The following GALR1 variants were observed in gnomAD, a reference collection of about 807,000 sequenced individuals.
The protein encoded by GALR1 is galanin receptor 1.
GALR1 carries 11 observed loss-of-function variants against 17.9 expected under a neutral mutation model. The observed-to-expected ratio is 0.62, with a 90% confidence interval of 0.39 to 1.02. The LOEUF is 1.02. GALR1 is among the 50% of genes least tolerant of loss of function. The pLI is 0.01. For synonymous variants in GALR1, 206 were observed against 205.7 expected, an observed-to-expected ratio of 1.00 and a Z score of -0.01; for missense variants, 441 against 456.9, an observed-to-expected ratio of 0.97 and a Z score of 0.32.
At chr18:77,262,670 T>A (rs1473111333) in intron 2 of GALR1, among the ~76,000 whole-genome samples, 1 of 152,096 alleles carries the variant, frequency 6.6e-6, no homozygotes, top group East Asian at 1.9e-4. Context: ...AAAATAGTAA[T>A]CCCCTGGAGA....
Position 77,250,823 on chromosome 18 carries a change from A to G in GALR1, c.275A>G (p.Gln92Arg). The G allele has an allele frequency of 6.2e-7, 1 of 1,613,730 alleles. No homozygotes were observed. Among genetic ancestry groups the G allele is most frequent in the Non-Finnish European group, 8.5e-7 (1 of 1,179,998 alleles). The change falls in exon 1 of 3, where the codon CAG becomes CGG. Residue 92 changes from glutamine (Q) to arginine (R), a missense_variant. Transcript: ENST00000299727. ...TACCTGCTCTTCTGCATCCCCTTCC[A>G]GGCCACCGTGTACGCGCTGCCCACC... The part of the protein sequence containing the change: ...LAYLLFCIPF[Q>R]ATVYALPTWV...
chr18:77,274,096 A>G lies in GALR1; in HGVS notation c.*5194A>G, dbSNP rs892714396. The G allele has an allele frequency of 1.3e-5, 2 of 152,092 alleles. No individual in the cohort carries two copies. The allele number at this position is 152,092 out of a possible 1,614,324, so 9.4% of individuals were successfully genotyped here. A position where few individuals can be genotyped will look rare whatever the true frequency, so the allele number is the denominator to read the frequency against. On this transcript the variant is annotated 3_prime_UTR_variant, in exon 3 of 3. Transcript: ENST00000299727. ...TTCAAAATATTGGATATTGATTATG[A>G]ACACTGGAACTATTTATGTGTCATC...
chr18:77,256,680 T>C (rs1383295662), intron 2 of GALR1, among the ~76,000 whole-genome samples: 1 of 152,182 alleles, frequency 6.6e-6, no homozygotes, highest in Non-Finnish European at 1.5e-5. Flanking sequence ...GCCACCAGAG[T>C]GCTGGGCCAT....
intron 2 of GALR1, among the ~76,000 whole-genome samples, chr18:77,259,062 G>GAT (rs1568141890): frequency 5.9e-4 from 3 of 5,114 alleles, no homozygotes; most frequent in Non-Finnish European, 0.011. Context: ...TGATGATGGT[G>GAT]GTCATGGTGG....
At chr18:77,258,618 G>GTGA (rs1912662967) in intron 2 of GALR1, among the ~76,000 whole-genome samples, 1 of 138,692 alleles carries the variant, frequency 7.2e-6, no homozygotes, top group South Asian at 2.6e-4. Flanking sequence ...GGTGATGGTG[G>GTGA]TGGTGGTGAT....
chr18:77,254,402 G>C (rs1022849432), intron 1 of GALR1, among the ~76,000 whole-genome samples: 1 of 152,318 alleles, frequency 6.6e-6, no homozygotes, highest in East Asian at 1.9e-4. Context: ...AACATTCTTG[G>C]GTGTTTTGAA....
At chr18:77,252,881 T>TCACCACCATCAC (rs1912459340) in intron 1 of GALR1, among the ~76,000 whole-genome samples, 7 of 55,298 alleles carry the variant, frequency 1.3e-4, no homozygotes, top group East Asian at 1.2e-3. Flanking sequence ...ACCACCACCA[T>TCACCACCATCAC]CACCACCACC....
chr18:77,267,402 C>T (rs879270744), intron 2 of GALR1, among the ~76,000 whole-genome samples: 3 of 152,236 alleles, frequency 2.0e-5, no homozygotes, highest in Non-Finnish European at 4.4e-5. Context: ...CTCTTCCCCT[C>T]CTGAGTCTCA....
intron 2 of GALR1, among the ~76,000 whole-genome samples, chr18:77,257,849 C>T (rs1912626331): frequency 2.0e-5 from 3 of 152,158 alleles, no homozygotes. Flanking sequence ...GATTAATTTC[C>T]CTTGGGAGGG....
At position 77,268,610 on chromosome 18, in the gene GALR1, T is replaced by C. The variant is rs764549800; in HGVS notation, c.758T>C (p.Val253Ala). Residue 253 changes from valine (V) to alanine (A), a missense_variant, in exon 3 of 3, where the codon GTT becomes GCT. Val to Ala is a moderately conservative substitution (Grantham distance 64). Coordinates refer to ENST00000299727, the MANE Select transcript of GALR1 (RefSeq NM_001480.4). ...KKTAQTVLVV[V>A]VVFGISWLPH... Reference sequence around the variant, plus strand: ...ACTGCACAGACAGTTCTGGTGGTGGTTGTGGTGTTTGGAATCTCCTGGCTG... The same window carrying C: ...ACTGCACAGACAGTTCTGGTGGTGGCTGTGGTGTTTGGAATCTCCTGGCTG... 84 of 1,613,902 alleles carry C rather than the reference T, an allele frequency of 5.2e-5. No individual in the cohort carries two copies. The highest frequency in any genetic ancestry group is 1.7e-4 in the Admixed American group (10 of 59,994).
intron 1 of GALR1, 138 bp downstream of exon 1, chr18:77,251,352 G>T (rs1912412480): frequency 3.0e-6 from 4 of 1,326,418 alleles, no homozygotes; most frequent in Non-Finnish European, 4.0e-6. Flanking sequence ...GGCGGCGCTG[G>T]TACGGATCTG....
At position 77,250,745 on chromosome 18, in the gene GALR1, C is replaced by G. The variant is rs942125973; in HGVS notation, c.197C>G (p.Pro66Arg). 2 of 1,613,892 alleles carry G rather than the reference C, an allele frequency of 1.2e-6. No homozygotes were observed. Among genetic ancestry groups the G allele is most frequent in the East Asian group, 4.5e-5 (2 of 44,874 alleles). Reference protein sequence around the residue: ...TVLARSKPGKPRSTTNLFILN... With the variant: ...TVLARSKPGKRRSTTNLFILN... ...CTGGCGCGCAGCAAGCCGGGCAAGC[C>G]GCGGAGCACCACCAACCTGTTCATC... The change falls in exon 1 of 3, where the codon CCG (proline) becomes CGG (arginine). Residue 66 changes from proline to arginine, a missense_variant. Coordinates refer to ENST00000299727, the MANE Select transcript of GALR1 (RefSeq NM_001480.4).
chr18:77,261,355 G>T (rs993397602), intron 2 of GALR1, among the ~76,000 whole-genome samples: 1 of 152,196 alleles, frequency 6.6e-6, no homozygotes, highest in African/African-American at 2.4e-5. Context: ...GGACATGCCC[G>T]TCTGACGGAG....
At chr18:77,258,929 CAT>C (rs1912712877) in intron 2 of GALR1, among the ~76,000 whole-genome samples, 1 of 107,192 alleles carries the variant, frequency 9.3e-6, no homozygotes, top group Non-Finnish European at 1.9e-5. Context: ...TGATGATGGT[CAT>C]GGTGGTGATG....
At chr18:77,267,836 G>A (rs1476142064) in intron 2 of GALR1, among the ~76,000 whole-genome samples, 1 of 152,168 alleles carries the variant, frequency 6.6e-6, no homozygotes, top group Non-Finnish European at 1.5e-5. Context: ...GGAGGCCATG[G>A]CCATGTATAC....
intron 2 of GALR1, among the ~76,000 whole-genome samples, chr18:77,265,475 A>G (rs1912925188): frequency 6.6e-6 from 1 of 152,040 alleles, no homozygotes; most frequent in Non-Finnish European, 1.5e-5. Context: ...CAAGCTTTGG[A>G]TGGATCTACC....
Position 77,258,709 on chromosome 18 carries a change from G to A in GALR1, c.732+2486G>A, listed in dbSNP as rs1428828803. On this transcript the variant is annotated intron_variant, in intron 2 of 2. Transcript: ENST00000299727. ...GTGATGGTGGTGGTGGTCATGTGAT[G>A]GTGGTGCTGGTGATGGTGGTGATGG... 3.6e-5 allele frequency among the ~76,000 whole-genome samples: 5 copies of A among 137,304 alleles called. No homozygotes were observed. The East Asian group carries it at 1.2e-3, about 32-fold the overall frequency. The allele number at this position is 137,304 out of a possible 152,430, so 90.1% of individuals were successfully genotyped here.
rs774648296 is a variant in GALR1, at chr18:77,250,669, G to T, written c.121G>T (p.Gly41Cys). ...GAACTTCGTCACGCTGGTGGTGTTC[G>T]GCCTGATCTTCGCGCTGGGTGTGCT... The part of the protein sequence containing the change: ...VENFVTLVVF[G>C]LIFALGVLGN... The change falls in exon 1 of 3, where the codon GGC (glycine) becomes TGC (cysteine). Residue 41 changes from glycine to cysteine, a missense_variant. Coordinates refer to ENST00000299727, the MANE Select transcript of GALR1 (RefSeq NM_001480.4). 5.0e-6 allele frequency: 8 copies of T among 1,611,630 alleles called. No individual in the cohort carries two copies. The highest frequency in any genetic ancestry group is 6.8e-6 in the Non-Finnish European group (8 of 1,179,482).
intron 2 of GALR1, among the ~76,000 whole-genome samples, chr18:77,264,133 C>CAAAAAA (rs56102250): frequency 1.4e-4 from 8 of 57,270 alleles, no homozygotes; most frequent in African/African-American, 2.1e-4. Context: ...GACTCCATCT[C>CAAAAAA]AAAAAAAAAA....
Sources: gnomAD v4.1 joint callset for allele counts (sites outside exome capture counted in the v4.1 genomes callset) on GRCh38, gnomAD v4.1.1 for gene constraint, MANE v1.5 for transcripts, NCBI Gene and HGNC (gene_info 2026-07-23, HGNC 2026-07-21) for gene names.